The following ERBB4 variants were observed in gnomAD, a reference collection of about 807,000 sequenced individuals.
The protein encoded by ERBB4 is erb-b2 receptor tyrosine kinase 4.
In ERBB4, 42 loss-of-function variants were observed where a neutral mutation model predicts 158.0. The ratio of observed to expected loss-of-function variants is 0.27; its 90% CI spans 0.21 to 0.34. The LOEUF is 0.34. Ranked by LOEUF, ERBB4 falls within the 10% of genes least tolerant of loss-of-function variation. The pLI is 1.00. For synonymous variants in ERBB4, 583 were observed against 558.7 expected (o/e 1.04, Z -0.61); for missense variants, 1,333 against 1,624.1 (o/e 0.82, Z 3.08).
At chr2:212,095,636 TAGAC>T (rs1319400942) in intron 2 of ERBB4, among the ~76,000 whole-genome samples, 2 of 151,950 alleles carry the variant, frequency 1.3e-5, no homozygotes, top group African/African-American at 4.8e-5. Flanking sequence ...CACAATTTCT[TAGAC>T]AGTAAATTTT....
At chr2:211,691,942 T>C (rs949816346) in intron 12 of ERBB4, among the ~76,000 whole-genome samples, 1 of 152,138 alleles carries the variant, frequency 6.6e-6, no homozygotes, top group Admixed American at 6.5e-5. Context: ...GCTGTCGGAA[T>C]CCGTTGAAAG....
At chr2:212,346,540 G>T (rs563879637) in intron 1 of ERBB4, among the ~76,000 whole-genome samples, 3 of 135,256 alleles carry the variant, frequency 2.2e-5, no homozygotes, top group African/African-American at 7.7e-5. Flanking sequence ...TGTTTTAAAT[G>T]TTTTAATGTT....
intron 25 of ERBB4, among the ~76,000 whole-genome samples, chr2:211,397,742 G>A (rs771131698): frequency 2.8e-4 from 43 of 152,196 alleles, no homozygotes; most frequent in Non-Finnish European, 6.0e-4. Context: ...TTCTGCCCCG[G>A]CTCCGTGGAA....
chr2:211,601,712 C>G (rs573449168), intron 19 of ERBB4, among the ~76,000 whole-genome samples: 2 of 151,422 alleles, frequency 1.3e-5, no homozygotes, highest in East Asian at 3.9e-4. Flanking sequence ...GGCAAACTAT[C>G]AAACAAGTAG....
At chr2:211,959,204 A>T (rs959246944) in intron 2 of ERBB4, among the ~76,000 whole-genome samples, 1 of 152,090 alleles carries the variant, frequency 6.6e-6, no homozygotes, top group Non-Finnish European at 1.5e-5. Flanking sequence ...TATTTGAGAA[A>T]CATTGTTCAA....
chr2:211,867,230 CACTTT>C (rs2078233027), intron 3 of ERBB4, among the ~76,000 whole-genome samples: 1 of 152,050 alleles, frequency 6.6e-6, no homozygotes, highest in Non-Finnish European at 1.5e-5. Context: ...ATCTGCTATT[CACTTT>C]ACTTTTTCGG....
intron 20 of ERBB4, among the ~76,000 whole-genome samples, chr2:211,538,810 A>G (rs1002733110): frequency 2.0e-5 from 3 of 151,914 alleles, no homozygotes; most frequent in African/African-American, 7.2e-5. Flanking sequence ...TTCCCCATGT[A>G]TGTAATGTGA....
chr2:212,404,671 CA>C (rs2091296362), intron 1 of ERBB4, among the ~76,000 whole-genome samples: 1 of 151,854 alleles, frequency 6.6e-6, no homozygotes, highest in Non-Finnish European at 1.5e-5. Flanking sequence ...ATTTTAGGTT[CA>C]GGGGTACATG....
intron 1 of ERBB4, among the ~76,000 whole-genome samples, chr2:212,137,836 A>T (rs1404866703): frequency 2.0e-5 from 3 of 152,288 alleles, no homozygotes; most frequent in Admixed American, 2.0e-4. Context: ...GAAACTATCA[A>T]CAGAGTAAAC....
At chr2:211,578,668 A>AT (rs1162287562) in intron 19 of ERBB4, among the ~76,000 whole-genome samples, 1 of 152,142 alleles carries the variant, frequency 6.6e-6, no homozygotes, top group East Asian at 1.9e-4. Context: ...CAGTCATCTG[A>AT]TTTTTTAAAC....
intron 20 of ERBB4, among the ~76,000 whole-genome samples, chr2:211,538,598 G>A (rs6435639): frequency 0.73 from 110,169 of 151,634 alleles, 41,233 homozygotes; most frequent in African/African-American, 0.92. Flanking sequence ...AATTTGACAC[G>A]GAATTAAGTA....
At chr2:211,869,671 T>G (rs1206262457) in intron 3 of ERBB4, among the ~76,000 whole-genome samples, 2 of 152,210 alleles carry the variant, frequency 1.3e-5, no homozygotes, top group African/African-American at 4.8e-5. Flanking sequence ...TAAATTACAT[T>G]GCTTAAAATA....
intron 12 of ERBB4, among the ~76,000 whole-genome samples, chr2:211,698,409 T>A (rs947227181): frequency 1.3e-5 from 2 of 151,600 alleles, no homozygotes; most frequent in East Asian, 3.9e-4. Flanking sequence ...AAGATATAGA[T>A]GGCTGAATGG....
At position 211,539,554 on chromosome 2, in the gene ERBB4, A is replaced by G. The variant is rs546415663; in HGVS notation, c.2487+22349T>C. On this transcript the variant is annotated intron_variant, in intron 20 of 27. Transcript: ENST00000342788. ...CCTATTCTGCATTTTTAAAATAAAT[A>G]CATAAATGTCATTCACACACCTTAA... 6.6e-5 allele frequency among the ~76,000 whole-genome samples: 10 copies of G among 152,162 alleles called. No individual in the cohort carries two copies. The East Asian group carries it at 1.7e-3, about 27-fold the overall frequency.
intron 19 of ERBB4, among the ~76,000 whole-genome samples, chr2:211,583,516 CTAGA>C (rs36050244): frequency 0.73 from 110,079 of 150,798 alleles, 42,300 homozygotes; most frequent in East Asian, 0.86. Flanking sequence ...ATTATTTTCC[CTAGA>C]TAAATTACTT....
intron 15 of ERBB4, among the ~76,000 whole-genome samples, chr2:211,660,115 AAAG>A (rs2071364484): frequency 1.3e-5 from 2 of 152,234 alleles, no homozygotes; most frequent in African/African-American, 4.8e-5. Context: ...AGAGGGGAAA[AAAG>A]AAGTTAGAAC....
chr2:211,766,081 T>C (rs1353926386), intron 4 of ERBB4, among the ~76,000 whole-genome samples: 1 of 152,242 alleles, frequency 6.6e-6, no homozygotes, highest in Non-Finnish European at 1.5e-5. Context: ...TTCTCTTACT[T>C]ATATTTTGCC....
At chr2:212,385,862 T>C (rs1481852409) in intron 1 of ERBB4, among the ~76,000 whole-genome samples, 1 of 151,968 alleles carries the variant, frequency 6.6e-6, no homozygotes, top group Non-Finnish European at 1.5e-5. Context: ...TTATTCCATA[T>C]CCAAAATTTC....
At chr2:211,767,457 A>C (rs2075579151) in intron 4 of ERBB4, among the ~76,000 whole-genome samples, 1 of 152,194 alleles carries the variant, frequency 6.6e-6, no homozygotes. Context: ...ATATAATTTT[A>C]TTTAGTAAAA....
Sources: allele counts gnomAD v4.1 joint callset (sites outside exome capture counted in the v4.1 genomes callset), GRCh38; gene constraint gnomAD v4.1.1; transcripts MANE v1.5; gene names NCBI Gene and HGNC (gene_info 2026-07-23, HGNC 2026-07-21).